Variants in TRIM49C observed in about 807,000 individuals in gnomAD.
TRIM49C encodes the protein tripartite motif-containing protein 49C.
A neutral mutation model predicts 21.4 loss-of-function variants in TRIM49C; 6 were observed. That is an observed-to-expected ratio of 0.28 (90% confidence interval 0.15 to 0.55). TRIM49C has a LOEUF of 0.55. Among genes scored for constraint, TRIM49C ranks in the 20% least tolerant of loss-of-function variants. The probability of loss-of-function intolerance (pLI) is 0.94; values close to 1 mark genes in which losing one functional copy is unlikely to be tolerated. For missense variants in TRIM49C, 161 were observed against 442.4 expected (o/e 0.36, Z 5.71); for synonymous variants, 57 against 148.1 (o/e 0.38, Z 4.47).
the TRIM49C span, among the ~76,000 whole-genome samples, chr11:90,057,008 C>T: frequency 1.4e-5 from 2 of 147,614 alleles, no homozygotes; most frequent in African/African-American, 5.1e-5. Flanking sequence ...GATGAGATAT[C>T]CACCAGTTCA....
At chr11:90,066,281 A>G in the TRIM49C span, among the ~76,000 whole-genome samples, 1 of 137,938 alleles carries the variant, frequency 7.2e-6, no homozygotes, top group East Asian at 2.3e-4. Context: ...CGGCCTCCCA[A>G]AGTGCTGGGA....
downstream of TRIM49C, among the ~76,000 whole-genome samples, chr11:90,047,018 G>A (rs1482393776): frequency 2.4e-5 from 3 of 123,678 alleles, no homozygotes; most frequent in East Asian, 2.6e-4. Flanking sequence ...CCTTCATTTC[G>A]TTATGTACCC....
chr11:90,046,457 G>A (rs1279879202), downstream of TRIM49C, among the ~76,000 whole-genome samples: 1 of 125,298 alleles, frequency 8.0e-6, no homozygotes, highest in Non-Finnish European at 1.6e-5. Context: ...TAATTTCAGA[G>A]CCTGTTATTG....
chr11:90,052,496 T>C, the TRIM49C span: 1,709 of 180,740 alleles, frequency 9.5e-3, 77 homozygotes, highest in African/African-American at 0.04. Context: ...AGCTCGCAGT[T>C]CCTGACCCTC....
the TRIM49C span, among the ~76,000 whole-genome samples, chr11:90,065,946 ACT>A: frequency 1.5e-5 from 2 of 134,046 alleles, no homozygotes; most frequent in African/African-American, 5.3e-5. Context: ...ACAGAGCGAG[ACT>A]CTGTCTCAAA....
chr11:90,067,834 T>C, the TRIM49C span, among the ~76,000 whole-genome samples: 1 of 138,658 alleles, frequency 7.2e-6, no homozygotes, highest in Non-Finnish European at 1.6e-5. Flanking sequence ...ATATAATTAG[T>C]GGAAGTGGAT....
At chr11:90,072,410 G>T in the TRIM49C span, among the ~76,000 whole-genome samples, 1 of 147,940 alleles carries the variant, frequency 6.8e-6, no homozygotes. Context: ...GATAATTCTG[G>T]CAAGGAATCT....
At chr11:90,045,400 A>C (rs1276849178), downstream of TRIM49C, among the ~76,000 whole-genome samples, 1 of 64,598 alleles carries the variant, frequency 1.5e-5, no homozygotes, top group Non-Finnish European at 2.9e-5. Flanking sequence ...GATTCTTCCT[A>C]TCCCTGAGCA....
rs1950718250 is a variant in TRIM49C, at chr11:90,035,304, G to A, written c.93G>A (p.Gly31=). ...TAGACCCGGTCACCATAGACTGTGG[G>A]CACAGCTTTTGCAGGCCTTGTTTCT... The part of the protein sequence containing the change: ...YFIDPVTIDC[G]HSFCRPCFYL... Residue 31 remains glycine, a synonymous_variant, in exon 3 of 8, where the codon GGG becomes GGA. Transcript: ENST00000448984. 1 of 1,553,182 alleles carries A rather than the reference G, an allele frequency of 6.4e-7. No individual in the cohort carries two copies. The highest frequency in any genetic ancestry group is 1.4e-5 in the African/African-American group (1 of 69,362).
chr11:90,062,476 A>G, the TRIM49C span: 10 of 1,060,412 alleles, frequency 9.4e-6, 1 homozygote, highest in Non-Finnish European at 1.3e-5. Context: ...TATGATTGAC[A>G]TGGAATAATC....
At position 90,041,303 on chromosome 11, in the gene TRIM49C, T is replaced by G. The variant is rs761386716; in HGVS notation, c.1112T>G (p.Ile371Arg). 1.9e-6 allele frequency: 3 copies of G among 1,589,896 alleles called. 1 individual carries two copies. The highest frequency in any genetic ancestry group is 8.6e-7 in the Non-Finnish European group (1 of 1,164,948). Residue 371 changes from isoleucine to arginine, a missense_variant, in exon 8 of 8, where the codon ATA becomes AGA. This residue lies in a region of TRIM49C where 63 missense variants were observed against 67.6 expected (regional missense o/e 0.93). Coordinates refer to ENST00000448984, the MANE Select transcript of TRIM49C (RefSeq NM_001195234.1). ...AAGGAGAAGAATCAGAATGAGAAGA[T>G]AGATGGAAAGGAGGGACTCTTTCTT... ...YRKEKNQNEK[I>R]DGKEGLFLLG...
At chr11:90,032,863 GGT>G (rs1307159192) in intron 2 of TRIM49C, among the ~76,000 whole-genome samples, 2 of 117,376 alleles carry the variant, frequency 1.7e-5, no homozygotes, top group Non-Finnish European at 3.4e-5. Context: ...TGTACACATA[GGT>G]GTGTGTGTAT....
the TRIM49C span, chr11:90,053,502 C>G: frequency 6.3e-6 from 1 of 157,612 alleles, no homozygotes; most frequent in African/African-American, 2.4e-5. Flanking sequence ...CCAGGACGCC[C>G]TCCTCCGGTA....
intron 2 of TRIM49C, among the ~76,000 whole-genome samples, chr11:90,033,621 T>G (rs2134812726): frequency 7.5e-6 from 1 of 132,452 alleles, no homozygotes; most frequent in East Asian, 2.3e-4. Flanking sequence ...CATCTAGATT[T>G]GTGTGGTATA....
the TRIM49C span, among the ~76,000 whole-genome samples, chr11:90,063,865 T>C: frequency 1.2e-4 from 13 of 110,550 alleles, 1 homozygote; most frequent in African/African-American, 4.5e-4. Context: ...AAACAAGCCG[T>C]GCTCTCAGTC....
chr11:90,071,464 A>G, the TRIM49C span, among the ~76,000 whole-genome samples: 2 of 143,202 alleles, frequency 1.4e-5, 1 homozygote, highest in African/African-American at 5.0e-5. Context: ...AATCATAATT[A>G]GAGATCAACT....
the TRIM49C span, chr11:90,073,157 G>T: frequency 9.5e-7 from 1 of 1,057,422 alleles, no homozygotes; most frequent in East Asian, 2.7e-5. Context: ...TAACTCTAAG[G>T]ACATATTTCT....
At chr11:90,054,450 A>C in the TRIM49C span, among the ~76,000 whole-genome samples, 2 of 137,364 alleles carry the variant, frequency 1.5e-5, 1 homozygote, top group Non-Finnish European at 3.2e-5. Context: ...ACTGAGGCAG[A>C]GTCTCACTCA....
At chr11:90,048,637 C>T in the TRIM49C span, among the ~76,000 whole-genome samples, 1 of 134,472 alleles carries the variant, frequency 7.4e-6, no homozygotes, top group Non-Finnish European at 1.6e-5. Flanking sequence ...AAGGACTTCT[C>T]TACCTTGGTT....
Sources: allele counts gnomAD v4.1 joint callset (sites outside exome capture counted in the v4.1 genomes callset), GRCh38; gene constraint gnomAD v4.1.1; regional missense constraint gnomAD v4.1.1; transcripts MANE v1.5; gene names NCBI Gene and HGNC (gene_info 2026-07-23, HGNC 2026-07-21).